PCDH15: variants seen among roughly 807,000 people sequenced by gnomAD.
PCDH15 encodes the protein protocadherin related 15.
Under a neutral mutation model 178.5 loss-of-function variants are expected in PCDH15, and 129 were observed. That is an observed-to-expected ratio of 0.72 (90% CI 0.63 to 0.84). The LOEUF is 0.84. Among genes scored for constraint, PCDH15 ranks in the 40% least tolerant of loss-of-function variants. PCDH15 has a pLI of 0.00. For synonymous variants in PCDH15, 800 were observed against 732.0 expected, an observed-to-expected ratio of 1.09 and a Z score of -1.50; for missense variants, 2,230 against 2,099.9, an observed-to-expected ratio of 1.06 and a Z score of -1.21.
intron 2 of PCDH15, among the ~76,000 whole-genome samples, chr10:54,583,985 T>G (rs1041496832): frequency 6.6e-6 from 1 of 152,144 alleles, no homozygotes; most frequent in Admixed American, 6.6e-5. Context: ...CATGTTTTCT[T>G]TTATTTAGTA....
intron 18 of PCDH15, among the ~76,000 whole-genome samples, chr10:54,056,467 G>T (rs745795708): frequency 3.7e-4 from 57 of 152,300 alleles, no homozygotes; most frequent in Non-Finnish European, 6.9e-4. Context: ...ATGATGGCAG[G>T]CAGGAGAGAG....
At chr10:55,216,499 A>G (rs917143357) in intron 1 of PCDH15, among the ~76,000 whole-genome samples, 1 of 151,836 alleles carries the variant, frequency 6.6e-6, no homozygotes, top group Non-Finnish European at 1.5e-5. Flanking sequence ...TTACAGTTAC[A>G]TAGTAGAAAT....
chr10:55,080,498 T>C (rs1842011632), intron 2 of PCDH15, among the ~76,000 whole-genome samples: 1 of 152,254 alleles, frequency 6.6e-6, no homozygotes, highest in South Asian at 2.1e-4. Flanking sequence ...ACAGAGGTCA[T>C]GCTGTGTGAG....
intron 2 of PCDH15, among the ~76,000 whole-genome samples, chr10:55,581,735 T>C (rs991890349): frequency 2.0e-5 from 3 of 152,202 alleles, no homozygotes; most frequent in Non-Finnish European, 4.4e-5. Context: ...ACCTGGTATA[T>C]GGACTTCTGC....
intron 2 of PCDH15, among the ~76,000 whole-genome samples, chr10:55,544,248 T>C (rs1841831712): frequency 6.7e-6 from 1 of 148,596 alleles, no homozygotes; most frequent in Non-Finnish European, 1.5e-5. Flanking sequence ...ATAGAAATTA[T>C]GAAATTATGG....
chr10:55,070,629 T>G (rs1427740084), intron 2 of PCDH15, among the ~76,000 whole-genome samples: 1 of 152,160 alleles, frequency 6.6e-6, no homozygotes, highest in Non-Finnish European at 1.5e-5. Flanking sequence ...TTCTGTTCCA[T>G]TGATCTATAT....
chr10:54,905,620 C>A lies in PCDH15; in HGVS notation c.-79-8120G>T, dbSNP rs1483586665. Among the ~76,000 whole-genome samples the A allele has an allele frequency of 2.0e-5, 3 of 152,064 alleles. No individual in the cohort carries two copies. In the South Asian group the frequency reaches 6.2e-4, roughly 32 times the overall value. On this transcript the variant is annotated intron_variant, in intron 2 of 5. Transcript: ENST00000458638. The stretch of plus-strand genomic sequence containing the variant: ...CAGTTCCTGGGACAGTTATAGGAAG[C>A]CTGAGAAGGTAAGGCTTTTCAAGGA...
At chr10:54,518,133 A>G in intron 3 of PCDH15, among the ~76,000 whole-genome samples, 1 of 152,192 alleles carries the variant, frequency 6.6e-6, no homozygotes. Context: ...TTGACACCCT[A>G]ACATCACAAT....
chr10:55,385,278 T>C (rs1231019072), intron 2 of PCDH15, among the ~76,000 whole-genome samples: 1 of 152,080 alleles, frequency 6.6e-6, no homozygotes, highest in East Asian at 1.9e-4. Flanking sequence ...GTGAGGAAGA[T>C]CAAGATAGTC....
intron 1 of PCDH15, among the ~76,000 whole-genome samples, chr10:54,717,758 T>C (rs1429969660): frequency 1.4e-5 from 2 of 143,076 alleles, no homozygotes; most frequent in East Asian, 4.0e-4. Context: ...ATCCCATTAC[T>C]GGGTATATAC....
chr10:54,838,903 C>T (rs909172629), intron 3 of PCDH15, among the ~76,000 whole-genome samples: 2 of 152,056 alleles, frequency 1.3e-5, no homozygotes, highest in African/African-American at 4.8e-5. Flanking sequence ...GGATTCATGC[C>T]CACTCTGGTA....
chr10:55,369,100 A>C (rs1173576276), intron 2 of PCDH15, among the ~76,000 whole-genome samples: 1 of 150,742 alleles, frequency 6.6e-6, no homozygotes, highest in African/African-American at 2.4e-5. Flanking sequence ...CCTCAGTTTC[A>C]GTTTTTCAGT....
chr10:54,409,009 T>C (rs955159630), intron 3 of PCDH15, among the ~76,000 whole-genome samples: 2 of 152,182 alleles, frequency 1.3e-5, no homozygotes, highest in Non-Finnish European at 2.9e-5. Context: ...AATTGAATCA[T>C]GGGGGCAGTT....
At chr10:54,736,917 G>C (rs1023827878) in intron 1 of PCDH15, among the ~76,000 whole-genome samples, 31 of 151,974 alleles carry the variant, frequency 2.0e-4, no homozygotes, top group African/African-American at 7.5e-4. Flanking sequence ...GATTTTGAAG[G>C]ACTGTCTTCA....
At chr10:55,555,677 C>T (rs1291813688) in intron 2 of PCDH15, among the ~76,000 whole-genome samples, 1 of 152,026 alleles carries the variant, frequency 6.6e-6, no homozygotes, top group Non-Finnish European at 1.5e-5. Flanking sequence ...TATCTTTGAA[C>T]TTCTGCAATC....
intron 2 of PCDH15, among the ~76,000 whole-genome samples, chr10:55,345,326 T>A (rs572155437): frequency 6.6e-6 from 1 of 152,154 alleles, no homozygotes; most frequent in East Asian, 1.9e-4. Context: ...GGTGCATTCC[T>A]GTCTAAAAAC....
At chr10:55,315,482 C>T (rs945087098) in intron 1 of PCDH15, among the ~76,000 whole-genome samples, 1 of 152,038 alleles carries the variant, frequency 6.6e-6, no homozygotes, top group Non-Finnish European at 1.5e-5. Flanking sequence ...CTATATTGTG[C>T]TAAATCTCTA....
At chr10:53,922,816 G>C (rs1393192961) in intron 25 of PCDH15, among the ~76,000 whole-genome samples, 2 of 152,146 alleles carry the variant, frequency 1.3e-5, no homozygotes, top group East Asian at 3.9e-4. Context: ...GTCAGGTGTG[G>C]TGGCTCGTGC....
intron 1 of PCDH15, among the ~76,000 whole-genome samples, chr10:54,760,911 C>T (rs779529187): frequency 7.2e-5 from 11 of 152,038 alleles, no homozygotes; most frequent in Non-Finnish European, 1.5e-4. Flanking sequence ...CTCTTCTGTG[C>T]AGAAATTCAA....
Sources: gnomAD v4.1 joint callset for allele counts (sites outside exome capture counted in the v4.1 genomes callset) on GRCh38, gnomAD v4.1.1 for gene constraint, MANE v1.5 for transcripts, NCBI Gene and HGNC (gene_info 2026-07-23, HGNC 2026-07-21) for gene names.